Variants in TMLHE observed in about 807,000 individuals in gnomAD.
TMLHE encodes trimethyllysine hydroxylase, epsilon.
TMLHE carries 18 observed loss-of-function variants against 25.7 expected under a neutral mutation model. That is an observed-to-expected ratio of 0.70 (90% CI 0.48 to 1.04). TMLHE has a LOEUF of 1.04. TMLHE is among the 50% of genes least tolerant of loss of function. The pLI, the probability that TMLHE is intolerant of heterozygous loss-of-function variation, is 0.00. For synonymous variants in TMLHE, 105 were observed against 97.0 expected (o/e 1.08, Z -0.49); for missense variants, 236 against 259.0 (o/e 0.91, Z 0.61).
At chrX:155,526,992 T>C (rs1603030447) in intron 2 of TMLHE, among the ~76,000 whole-genome samples, 1 of 112,579 alleles carries the variant, frequency 8.9e-6, no homozygotes, top group Non-Finnish European at 1.9e-5. Flanking sequence ...ACTTGCCTTG[T>C]CTCAGATGAG....
At chrX:155,547,304 C>T (rs2067355519) in intron 1 of TMLHE, among the ~76,000 whole-genome samples, 1 of 98,850 alleles carries the variant, frequency 1.0e-5, no homozygotes, top group Non-Finnish European at 2.1e-5. Context: ...GCCACCACGC[C>T]CGGCTAATTT....
At chrX:155,588,587 C>T (rs782083229) in intron 1 of TMLHE, among the ~76,000 whole-genome samples, 1 of 110,644 alleles carries the variant, frequency 9.0e-6, no homozygotes, top group South Asian at 3.8e-4. Context: ...ATTATTCATC[C>T]AACAAGGGAC....
chrX:155,609,031 T>C (rs2067803909), intron 1 of TMLHE, among the ~76,000 whole-genome samples: 1 of 112,264 alleles, frequency 8.9e-6, no homozygotes, highest in East Asian at 2.8e-4. Context: ...CAGCCATCCA[T>C]TATTGGGTAT....
At chrX:155,560,075 A>T (rs1603064052) in intron 1 of TMLHE, among the ~76,000 whole-genome samples, 1 of 111,967 alleles carries the variant, frequency 8.9e-6, no homozygotes, top group East Asian at 2.8e-4. Context: ...TCTTACCTCA[A>T]TTGCTATGAG....
chrX:155,548,528 GTATGAGGC>G (rs1368945362), intron 1 of TMLHE, among the ~76,000 whole-genome samples: 8 of 108,577 alleles, frequency 7.4e-5, no homozygotes, highest in Non-Finnish European at 1.3e-4. Flanking sequence ...AAGGTCAGCA[GTATGAGGC>G]CAGCCTGACT....
At chrX:155,585,071 C>G (rs2124478272) in intron 1 of TMLHE, among the ~76,000 whole-genome samples, 1 of 111,549 alleles carries the variant, frequency 9.0e-6, no homozygotes, top group African/African-American at 3.3e-5. Context: ...ATATACAAAA[C>G]AACCAGAAAA....
intron 1 of TMLHE, among the ~76,000 whole-genome samples, chrX:155,556,510 T>G (rs1187249188): frequency 9.1e-6 from 1 of 109,900 alleles, no homozygotes; most frequent in Non-Finnish European, 1.9e-5. Context: ...AACCAGCAAG[T>G]TTTTATTAGG....
intron 3 of TMLHE, 36 bp downstream of exon 3, chrX:155,524,420 T>C: frequency 1.9e-6 from 2 of 1,041,916 alleles, no homozygotes; most frequent in Non-Finnish European, 2.5e-6. Context: ...TTCAGAAGAG[T>C]ACCCCCAAAG....
At chrX:155,588,778 A>G (rs1557345600) in intron 1 of TMLHE, among the ~76,000 whole-genome samples, 1 of 111,905 alleles carries the variant, frequency 8.9e-6, no homozygotes, top group Non-Finnish European at 1.9e-5. Context: ...TAAAACCACA[A>G]TGAGATATAA....
intron 1 of TMLHE, among the ~76,000 whole-genome samples, chrX:155,550,354 A>T (rs1557339863): frequency 9.0e-6 from 1 of 110,832 alleles, no homozygotes; most frequent in Non-Finnish European, 1.9e-5. Flanking sequence ...CATTTTTATT[A>T]TGTGTGAAAA....
chrX:155,567,443 C>T (rs1603067959), intron 1 of TMLHE, among the ~76,000 whole-genome samples: 2 of 61,706 alleles, frequency 3.2e-5, no homozygotes, highest in South Asian at 9.5e-4. Context: ...CAAAATAAAA[C>T]GAAACAAGCT....
At chrX:155,583,357 TA>T (rs2067643997) in intron 1 of TMLHE, among the ~76,000 whole-genome samples, 4 of 110,061 alleles carry the variant, frequency 3.6e-5, no homozygotes, top group Non-Finnish European at 7.6e-5. Flanking sequence ...ATCAAAAAAA[TA>T]AAATAAATAA....
intron 1 of TMLHE, among the ~76,000 whole-genome samples, chrX:155,547,227 C>G (rs928849330): frequency 8.6e-5 from 8 of 92,550 alleles, no homozygotes; most frequent in African/African-American, 1.5e-4. Flanking sequence ...TCACTGCAAG[C>G]TCCGCCTCCC....
At chrX:155,588,031 G>A (rs966037192) in intron 1 of TMLHE, among the ~76,000 whole-genome samples, 2 of 111,701 alleles carry the variant, frequency 1.8e-5, no homozygotes, top group Non-Finnish European at 3.8e-5. Flanking sequence ...AACAGAGCCC[G>A]AGTAGCCAAA....
intron 1 of TMLHE, among the ~76,000 whole-genome samples, chrX:155,598,697 TATA>T (rs1202937950): frequency 1.8e-3 from 194 of 109,710 alleles, no homozygotes; most frequent in African/African-American, 6.1e-3. Flanking sequence ...AAACTTAAAG[TATA>T]ATAATAATAA....
chrX:155,505,239 T>C (rs1302571739), intron 6 of TMLHE, among the ~76,000 whole-genome samples: 1 of 111,635 alleles, frequency 9.0e-6, no homozygotes, highest in Non-Finnish European at 1.9e-5. Context: ...GGCTTTTCTG[T>C]GTTAAATGTT....
chrX:155,589,185 C>T (rs1012866890), intron 1 of TMLHE, among the ~76,000 whole-genome samples: 4 of 111,818 alleles, frequency 3.6e-5, no homozygotes, highest in Non-Finnish European at 7.5e-5. Flanking sequence ...TGGTGGCTCA[C>T]GCCTGTAATC....
intron 1 of TMLHE, among the ~76,000 whole-genome samples, chrX:155,607,548 G>A (rs1234089209): frequency 9.0e-6 from 1 of 110,538 alleles, no homozygotes; most frequent in Non-Finnish European, 1.9e-5. Context: ...ACTACTGGAA[G>A]TCTTGGCCAG....
intron 1 of TMLHE, among the ~76,000 whole-genome samples, chrX:155,583,845 T>C (rs782223879): frequency 1.8e-5 from 2 of 111,205 alleles, no homozygotes; most frequent in Non-Finnish European, 3.8e-5. Flanking sequence ...AATTATTTAA[T>C]GAGTACAATG....
Sources: gnomAD v4.1 joint callset for allele counts (sites outside exome capture counted in the v4.1 genomes callset) on GRCh38, gnomAD v4.1.1 for gene constraint, MANE v1.5 for transcripts, NCBI Gene and HGNC (gene_info 2026-07-23, HGNC 2026-07-21) for gene names.